The following SH3RF2 variants were observed in gnomAD, a reference collection of about 807,000 sequenced individuals.
SH3RF2 encodes SH3 domain containing ring finger 2, also known as E3 ubiquitin-protein ligase SH3RF2.
SH3RF2 carries 43 observed loss-of-function variants against 59.0 expected under a neutral mutation model. The ratio of observed to expected loss-of-function variants is 0.73; its 90% CI spans 0.57 to 0.94. The LOEUF (loss-of-function observed/expected upper bound fraction) is 0.94, where lower values mean the gene tolerates loss of function less well. SH3RF2 is among the 40% of genes least tolerant of loss of function. SH3RF2 has a pLI of 0.00. For synonymous variants in SH3RF2, 391 were observed against 391.5 expected, an observed-to-expected ratio of 1.00 and a Z score of 0.01; for missense variants, 930 against 940.1, an observed-to-expected ratio of 0.99 and a Z score of 0.14.
chr5:146,028,463 C>T (rs1313973101), intron 5 of SH3RF2, among the ~76,000 whole-genome samples: 1 of 152,196 alleles, frequency 6.6e-6, no homozygotes, highest in East Asian at 1.9e-4. Context: ...GAATGAGATA[C>T]TCGCATACAG....
In SH3RF2 at chr5:146,027,821, A is replaced by C. The variant is rs1448674909; in HGVS notation, c.1059+13760A>C. ...GTTGCCTTTCTACTGAGGTCACTCC[A>C]GAAAGCGCCAGTACTCCTGGGGCAC... On this transcript the variant is annotated intron_variant, in intron 5 of 9. Transcript: ENST00000359120. Among the ~76,000 whole-genome samples the C allele has an allele frequency of 2.0e-5, 3 of 152,212 alleles. No homozygotes were observed. In the East Asian group the frequency reaches 5.8e-4, roughly 29 times the overall value.
At chr5:146,019,923 G>GT (rs1202249595) in intron 5 of SH3RF2, among the ~76,000 whole-genome samples, 4 of 152,096 alleles carry the variant, frequency 2.6e-5, no homozygotes, top group African/African-American at 7.2e-5. Flanking sequence ...TGTTGTTGGT[G>GT]TATAGCGATG....
At chr5:146,049,533 T>C (rs747337645) in intron 7 of SH3RF2, among the ~76,000 whole-genome samples, 6 of 152,148 alleles carry the variant, frequency 3.9e-5, no homozygotes, top group Non-Finnish European at 8.8e-5. Flanking sequence ...TGTGCAGAGT[T>C]AAGCAACTTG....
intron 2 of SH3RF2, among the ~76,000 whole-genome samples, chr5:145,940,120 G>T (rs1469668133): frequency 6.6e-6 from 1 of 152,102 alleles, no homozygotes; most frequent in Non-Finnish European, 1.5e-5. Context: ...GAATTCTTTT[G>T]CAGGGACTTA....
At chr5:146,003,805 A>C (rs1379825388) in intron 3 of SH3RF2, among the ~76,000 whole-genome samples, 1 of 152,246 alleles carries the variant, frequency 6.6e-6, no homozygotes, top group Non-Finnish European at 1.5e-5. Flanking sequence ...ATTAAAAATT[A>C]GAAACATTTC....
At chr5:145,959,725 G>C (rs1758558733) in intron 2 of SH3RF2, among the ~76,000 whole-genome samples, 1 of 151,686 alleles carries the variant, frequency 6.6e-6, no homozygotes, top group East Asian at 1.9e-4. Context: ...GTTGTTCACA[G>C]AACCTCTAGG....
intron 2 of SH3RF2, among the ~76,000 whole-genome samples, chr5:145,970,209 T>C (rs996754867): frequency 6.6e-6 from 1 of 152,130 alleles, no homozygotes; most frequent in Non-Finnish European, 1.5e-5. Context: ...GAGATTTTGG[T>C]GCACCCATCA....
At chr5:146,050,418 G>A (rs1239643728) in intron 7 of SH3RF2, among the ~76,000 whole-genome samples, 1 of 152,170 alleles carries the variant, frequency 6.6e-6, no homozygotes, top group East Asian at 1.9e-4. Flanking sequence ...AAAGAGTGCA[G>A]GCAAAGTCGG....
Position 145,936,599 on chromosome 5 carries a change from C to G in SH3RF2, c.-202C>G, listed in dbSNP as rs1006870047. ...TTTTCAAAGCGGTTGGCAGCAGCGG[C>G]GCTTGGAGGAAAGGAAGCCGGTTGG... On this transcript the variant is annotated 5_prime_UTR_variant, in exon 1 of 10. Coordinates refer to ENST00000359120, the MANE Select transcript of SH3RF2 (RefSeq NM_152550.4). The G allele has an allele frequency of 6.6e-6, 1 of 152,534 alleles. No homozygotes were observed. 9.4% of individuals were successfully genotyped at this position (152,534 alleles called of 1,614,324 possible).
At position 145,938,064 on chromosome 5, in the gene SH3RF2, GA is replaced by G. The variant is rs763006833; in HGVS notation, c.137del (p.Glu46GlyfsTer49). 4 of 1,614,246 alleles carry G rather than the reference GA, an allele frequency of 2.5e-6. No homozygotes were observed. The Admixed American group carries it at 6.7e-5, about 27-fold the overall frequency. ...ACAGAGGGTTTTCAAGGCCCACAAA[GA>G]GCTGCGGTGCCCCGAATGCAGGACG... ...CLQRVFKAHK[E>X]LRCPECRTPV... On this transcript the variant is annotated frameshift_variant, in exon 2 of 10. Transcript: ENST00000359120. LOFTEE classifies it high-confidence loss of function.
chr5:146,010,793 G>A (rs546680876), intron 4 of SH3RF2, among the ~76,000 whole-genome samples: 1 of 152,284 alleles, frequency 6.6e-6, no homozygotes, highest in East Asian at 1.9e-4. Context: ...TTTGTCAGAT[G>A]AGTAGATTGC....
chr5:145,945,048 G>C (rs4912699), intron 2 of SH3RF2, among the ~76,000 whole-genome samples: 22,976 of 152,064 alleles, frequency 0.15, 2,012 homozygotes, highest in East Asian at 0.26. Context: ...TGTATACAAA[G>C]ATACATATAT....
At chr5:146,035,242 C>T (rs868459291) in intron 5 of SH3RF2, among the ~76,000 whole-genome samples, 91 of 151,986 alleles carry the variant, frequency 6.0e-4, no homozygotes, top group African/African-American at 2.1e-3. Context: ...AAATAAGAGA[C>T]AACAAACACA....
At chr5:146,060,273 T>A in intron 9 of SH3RF2, 49 bp downstream of exon 9, 1 of 1,468,952 alleles carries the variant, frequency 6.8e-7, no homozygotes, top group Non-Finnish European at 9.1e-7. Flanking sequence ...TCCCGTACTA[T>A]GCATAGTGTC....
intron 2 of SH3RF2, among the ~76,000 whole-genome samples, chr5:145,960,341 C>CA (rs1413378992): frequency 6.6e-6 from 1 of 152,164 alleles, no homozygotes; most frequent in African/African-American, 2.4e-5. Context: ...ATATTTACTA[C>CA]AAAAAACTAT....
At chr5:146,064,856 G>GAA (rs1283178077), downstream of SH3RF2, among the ~76,000 whole-genome samples, 3 of 24,642 alleles carry the variant, frequency 1.2e-4, no homozygotes, top group Non-Finnish European at 5.2e-4. Flanking sequence ...AAGAAAGAAA[G>GAA]AAAGAAAGAG....
At chr5:145,967,380 A>T (rs1758898919) in intron 2 of SH3RF2, among the ~76,000 whole-genome samples, 1 of 152,216 alleles carries the variant, frequency 6.6e-6, no homozygotes, top group Non-Finnish European at 1.5e-5. Flanking sequence ...AGAAAAAAAA[A>T]ATCCCACAGA....
chr5:146,040,907 A>T (rs1485518127), intron 5 of SH3RF2, among the ~76,000 whole-genome samples: 1 of 152,074 alleles, frequency 6.6e-6, no homozygotes, highest in Non-Finnish European at 1.5e-5. Flanking sequence ...ACAAGCACAG[A>T]CAGCTTCATA....
chr5:146,030,356 A>G (rs753603386), intron 5 of SH3RF2, among the ~76,000 whole-genome samples: 3 of 152,112 alleles, frequency 2.0e-5, no homozygotes, highest in Non-Finnish European at 4.4e-5. Context: ...CAGGTGACAA[A>G]CCCTAAACAG....
Sources: gnomAD v4.1 joint callset for allele counts (sites outside exome capture counted in the v4.1 genomes callset) on GRCh38, gnomAD v4.1.1 for gene constraint, MANE v1.5 for transcripts, NCBI Gene and HGNC (gene_info 2026-07-23, HGNC 2026-07-21) for gene names.